Variants in GRIN2A observed in about 807,000 individuals in gnomAD.
GRIN2A encodes glutamate receptor ionotropic, NMDA 2A.
GRIN2A carries 22 observed loss-of-function variants against 113.4 expected under a neutral mutation model. The observed-to-expected ratio is 0.19, with a 90% CI of 0.14 to 0.28. The LOEUF is 0.28. Ranked by LOEUF, GRIN2A falls within the 10% of genes least tolerant of loss-of-function variation. The pLI is 1.00. For missense variants in GRIN2A, 1,502 were observed against 1,887.0 expected, an observed-to-expected ratio of 0.80 and a Z score of 3.78; for synonymous variants, 827 against 738.4, an observed-to-expected ratio of 1.12 and a Z score of -1.94.
At chr16:9,829,129 A>G (rs2042441028) in intron 9 of GRIN2A, among the ~76,000 whole-genome samples, 1 of 152,206 alleles carries the variant, frequency 6.6e-6, no homozygotes, top group Non-Finnish European at 1.5e-5. Flanking sequence ...CACTTGAGTC[A>G]TAGGTCATTC....
chr16:9,965,558 C>T (rs1377361910), intron 2 of GRIN2A, among the ~76,000 whole-genome samples: 1 of 152,182 alleles, frequency 6.6e-6, no homozygotes, highest in Non-Finnish European at 1.5e-5. Flanking sequence ...TTAATAATTT[C>T]CTCGACACTT....
chr16:10,036,274 G>T (rs1301239608), intron 2 of GRIN2A, among the ~76,000 whole-genome samples: 1 of 151,932 alleles, frequency 6.6e-6, no homozygotes, highest in African/African-American at 2.4e-5. Flanking sequence ...TTCTCTCATA[G>T]TTCTGGAGGC....
chr16:9,894,536 C>T (rs1180477340), intron 3 of GRIN2A, among the ~76,000 whole-genome samples: 1 of 152,150 alleles, frequency 6.6e-6, no homozygotes, highest in Non-Finnish European at 1.5e-5. Context: ...CAGATACACA[C>T]AGCTAGGTGT....
intron 5 of GRIN2A, among the ~76,000 whole-genome samples, chr16:9,841,877 G>A (rs1813416178): frequency 6.6e-6 from 1 of 152,194 alleles, no homozygotes; most frequent in Non-Finnish European, 1.5e-5. Context: ...TACACTTACT[G>A]TTTTGTACCA....
At chr16:9,810,152 T>G (rs1190312328) in intron 10 of GRIN2A, among the ~76,000 whole-genome samples, 2 of 152,128 alleles carry the variant, frequency 1.3e-5, no homozygotes, top group Non-Finnish European at 2.9e-5. Context: ...TATGGGAAAT[T>G]GGCCAGCACA....
At chr16:10,073,994 G>A (rs1425067127) in intron 2 of GRIN2A, among the ~76,000 whole-genome samples, 1 of 150,696 alleles carries the variant, frequency 6.6e-6, no homozygotes, top group Non-Finnish European at 1.5e-5. Flanking sequence ...TAAAAGTCTA[G>A]TATCCAGGGT....
intron 8 of GRIN2A, among the ~76,000 whole-genome samples, chr16:9,831,841 T>G (rs1029025944): frequency 1.3e-5 from 2 of 152,206 alleles, no homozygotes; most frequent in East Asian, 3.9e-4. Context: ...TTGAAGAAAG[T>G]CTGACATGCT....
intron 2 of GRIN2A, among the ~76,000 whole-genome samples, chr16:10,158,166 G>T (rs191664170): frequency 1.3e-5 from 2 of 151,898 alleles, no homozygotes; most frequent in African/African-American, 4.8e-5. Context: ...CAACACACCC[G>T]GCTAATTTTC....
At chr16:10,017,586 G>C (rs2046634621) in intron 2 of GRIN2A, among the ~76,000 whole-genome samples, 1 of 152,132 alleles carries the variant, frequency 6.6e-6, no homozygotes, top group South Asian at 2.1e-4. Context: ...GCTATTGTGA[G>C]TTGTTGTGGG....
intron 2 of GRIN2A, among the ~76,000 whole-genome samples, chr16:9,990,267 G>A (rs1196721091): frequency 2.6e-5 from 4 of 152,054 alleles, no homozygotes; most frequent in African/African-American, 9.7e-5. Flanking sequence ...TATCCTAAGT[G>A]GGTTAACAAG....
At chr16:9,810,188 C>T (rs751363199) in intron 10 of GRIN2A, among the ~76,000 whole-genome samples, 14 of 152,166 alleles carry the variant, frequency 9.2e-5, no homozygotes, top group Non-Finnish European at 2.1e-4. Flanking sequence ...TGGGAGTTCA[C>T]ACGCAAGAAT....
chr16:9,884,085 G>A (rs1186720707), intron 4 of GRIN2A, among the ~76,000 whole-genome samples: 3 of 151,890 alleles, frequency 2.0e-5, no homozygotes, highest in Non-Finnish European at 4.4e-5. Context: ...AGTTTGTCTA[G>A]GATACACTAA....
In GRIN2A at chr16:10,078,381, G is replaced by T. The variant is rs369726160; in HGVS notation, c.414+101617C>A. ...CCCACTTCACAGGTGGACAAAGTGA[G>T]ACTCAGGAGCCACACATGTAGAATG... On this transcript the variant is annotated intron_variant, in intron 2 of 12. Transcript: ENST00000330684. Among the ~76,000 whole-genome samples, 8 of 152,102 alleles carry T rather than the reference G, an allele frequency of 5.3e-5. No homozygotes were observed. In the East Asian group the frequency reaches 1.4e-3, roughly 26 times the overall value.
chr16:9,936,589 A>G (rs1382658006), intron 3 of GRIN2A, among the ~76,000 whole-genome samples: 1 of 152,194 alleles, frequency 6.6e-6, no homozygotes, highest in Non-Finnish European at 1.5e-5. Flanking sequence ...CAGCTGAACC[A>G]TAATGATGGG....
intron 11 of GRIN2A, among the ~76,000 whole-genome samples, chr16:9,793,774 C>G (rs1902772525): frequency 6.6e-6 from 1 of 151,888 alleles, no homozygotes; most frequent in African/African-American, 2.4e-5. Flanking sequence ...TATATATACA[C>G]ATACATAAGA....
At chr16:10,051,571 T>G (rs951659439) in intron 2 of GRIN2A, among the ~76,000 whole-genome samples, 1 of 152,226 alleles carries the variant, frequency 6.6e-6, no homozygotes, top group Non-Finnish European at 1.5e-5. Flanking sequence ...AGGAATTAAT[T>G]CTGCCTTGCA....
chr16:9,770,019 G>T (rs1191692659), intron 11 of GRIN2A, among the ~76,000 whole-genome samples: 1 of 152,128 alleles, frequency 6.6e-6, no homozygotes, highest in African/African-American at 2.4e-5. Context: ...GAACCAGGTG[G>T]TTTTTTCCAA....
chr16:10,180,617 C>G lies in GRIN2A; in HGVS notation c.-18-188G>C. On this transcript the variant is annotated intron_variant, in intron 1 of 12. Transcript: ENST00000330684. The surrounding 1 kb of genome is among the most constrained non-coding windows in gnomAD (Gnocchi z 7.0). ...TCCCTCGATCCATCTCTAACTCTAT[C>G]CACAACTCCAATTCGAGCTAATTCT... 2 of 956,900 alleles carry G rather than the reference C, an allele frequency of 2.1e-6. No homozygotes were observed. Among genetic ancestry groups the G allele is most frequent in the Non-Finnish European group, 3.0e-6 (2 of 661,026 alleles). The allele number at this position is 956,900 out of a possible 1,614,324, so 59.3% of individuals were successfully genotyped here.
At chr16:10,112,045 C>T (rs534800272) in intron 2 of GRIN2A, 1 of 624,570 alleles carries the variant, frequency 1.6e-6, no homozygotes, top group Admixed American at 2.2e-5. Context: ...GCCATCGTCT[C>T]CCACACCAAC....
Sources: gnomAD v4.1 joint callset for allele counts (sites outside exome capture counted in the v4.1 genomes callset) on GRCh38, gnomAD v4.1.1 for gene constraint, Gnocchi (gnomAD v3.1) non-coding constraint, MANE v1.5 for transcripts, NCBI Gene and HGNC (gene_info 2026-07-23, HGNC 2026-07-21) for gene names.